Variants in MAP7D1 observed in about 807,000 individuals in gnomAD.
MAP7D1 encodes MAP7 domain-containing protein 1.
A neutral mutation model predicts 97.5 loss-of-function variants in MAP7D1; 30 were observed. The observed-to-expected ratio is 0.31, with a 90% CI of 0.23 to 0.42. The LOEUF is 0.42. MAP7D1 is among the 10% of genes least tolerant of loss of function. MAP7D1 has a pLI of 1.00. For missense variants in MAP7D1, 1,184 were observed against 1,179.5 expected (o/e 1.00, Z -0.06); for synonymous variants, 536 against 477.1 (o/e 1.12, Z -1.61).
Position 36,170,367 on chromosome 1 carries a change from C to G in MAP7D1, c.47-604C>G, listed in dbSNP as rs544805381. 5.3e-5 allele frequency among the ~76,000 whole-genome samples: 8 copies of G among 152,310 alleles called. No individual in the cohort carries two copies. The Middle Eastern group carries it at 0.01, about 194-fold the overall frequency. ...TCACAGCAAAGCATTCCACTAGAGC[C>G]CATACTTACGTCCTTCCTCTTGGTC... On this transcript the variant is annotated intron_variant, in intron 1 of 16. Transcript: ENST00000474796.
chr1:36,172,758 C>A, intron 4 of MAP7D1, 131 bp downstream of exon 4: 1 of 1,042,818 alleles, frequency 9.6e-7, no homozygotes, highest in Non-Finnish European at 1.3e-6. Context: ...GTGTTCACAT[C>A]TACAGTTGTG....
chr1:36,172,660 C>T (rs766769493), intron 4 of MAP7D1, 33 bp downstream of exon 4: 14 of 1,512,446 alleles, frequency 9.3e-6, no homozygotes, highest in Middle Eastern at 1.8e-4. Flanking sequence ...TCCATGTACA[C>T]GTGTGCTCAC....
Position 36,176,464 on chromosome 1 carries a change from G to C in MAP7D1, c.1116G>C (p.Pro372=). The C allele has an allele frequency of 6.7e-7, 1 of 1,489,156 alleles. No homozygotes were observed. The highest frequency in any genetic ancestry group is 1.2e-5 in the South Asian group (1 of 80,852). The allele number at this position is 1,489,156 out of a possible 1,614,324, so 92.2% of individuals were successfully genotyped here. A position where few individuals can be genotyped will look rare whatever the true frequency, so the allele number is the denominator to read the frequency against. The change falls in exon 7 of 17, where the codon CCG becomes CCC. Residue 372 remains proline (P), a synonymous_variant. Transcript: ENST00000474796. This position sits in a 1 kb window ranked among gnomAD's most constrained non-coding sequence, Gnocchi z 6.1. ...PRSASASPLT[P]CSVTRSVHRC... is the part of the protein sequence containing the mutation. ...CGGCCTCCGCCAGCCCCCTGACGCCGTGCAGCGTCACCCGAAGCGTGCACC... is the reference window on the plus strand; with the variant it reads ...CGGCCTCCGCCAGCCCCCTGACGCCCTGCAGCGTCACCCGAAGCGTGCACC...
At chr1:36,174,851 G>A (rs1320502315) in intron 5 of MAP7D1, 47 bp from the exon 6 acceptor site, 3 of 1,197,246 alleles carry the variant, frequency 2.5e-6, no homozygotes, top group Non-Finnish European at 3.7e-6. Context: ...GCCCCCCACT[G>A]GCTCCTGCCG....
chr1:36,179,010 G>T lies in MAP7D1; in HGVS notation c.2115G>T (p.Arg705=). The T allele has an allele frequency of 1.3e-6, 2 of 1,531,090 alleles. No individual in the cohort carries two copies. Among genetic ancestry groups the T allele is most frequent in the Non-Finnish European group, 1.8e-6 (2 of 1,137,750 alleles). 94.8% of individuals were successfully genotyped at this position (1,531,090 alleles called of 1,614,324 possible). A position where few individuals can be genotyped will look rare whatever the true frequency, so the allele number is the denominator to read the frequency against. ...EKHFQQQEQE[R]QERRKRLEEI... ...ACTTCCAGCAGCAGGAGCAAGAGCG[G>T]CAAGAGCGCAGAAAGGTGTGCGGAC... The change falls in exon 12 of 17, where the codon CGG becomes CGT. Residue 705 remains arginine (R), a synonymous_variant. Coordinates refer to ENST00000474796, the MANE Select transcript of MAP7D1 (RefSeq NM_001388490.1).
chr1:36,165,593 T>A (rs1026983719), intron 1 of MAP7D1, among the ~76,000 whole-genome samples: 8 of 151,916 alleles, frequency 5.3e-5, no homozygotes, highest in African/African-American at 1.2e-4. Flanking sequence ...TTTAAAAAAA[T>A]TTTTTTAGAG....
rs272829 is a variant in MAP7D1 at position 36,159,501 on chromosome 1, G to A, written c.46+3038G>A. Among the ~76,000 whole-genome samples the A allele has an allele frequency of 3.3e-5, 5 of 152,084 alleles. No individual in the cohort carries two copies. The highest frequency in any genetic ancestry group is 5.9e-5 in the Non-Finnish European group (4 of 68,014). On this transcript the variant is annotated intron_variant, in intron 1 of 16. Transcript: ENST00000474796. The surrounding 1 kb of genome is among the most constrained non-coding windows in gnomAD (Gnocchi z 5.4). Reference sequence around the variant, plus strand: ...ATGAGCTAGGGTGTATCCAGGGAACGGAGGGGCCCCATACCTGAAGTGGAA... The same window carrying A: ...ATGAGCTAGGGTGTATCCAGGGAACAGAGGGGCCCCATACCTGAAGTGGAA...
In MAP7D1 at chr1:36,159,547, A is replaced by G. The variant is rs967988265; in HGVS notation, c.46+3084A>G. ...TGGAACAGTGGGAACAGGAGAGAAG[A>G]CCCAAGAAACAGGTGCAACCGGCTA... is the stretch of plus-strand genomic sequence containing the variant. On this transcript the variant is annotated intron_variant, in intron 1 of 16. Coordinates refer to ENST00000474796, the MANE Select transcript of MAP7D1 (RefSeq NM_001388490.1). The surrounding 1 kb of genome is among the most constrained non-coding windows in gnomAD (Gnocchi z 5.4). Among the ~76,000 whole-genome samples the G allele has an allele frequency of 6.6e-6, 1 of 152,124 alleles. No homozygotes were observed. The highest frequency in any genetic ancestry group is 2.4e-5 in the African/African-American group (1 of 41,400).
chr1:36,171,419 A>G (rs988499201), intron 2 of MAP7D1, 94 bp from the exon 3 acceptor site: 5 of 1,558,706 alleles, frequency 3.2e-6, no homozygotes, highest in Non-Finnish European at 3.5e-6. Flanking sequence ...GGAGATAAAG[A>G]AAGGATGGGG....
In MAP7D1 at chr1:36,176,895, C is replaced by G; in HGVS notation, c.1379+53C>G. 1 of 1,451,238 alleles carries G rather than the reference C, an allele frequency of 6.9e-7. No homozygotes were observed. The highest frequency in any genetic ancestry group is 2.1e-5 in the Admixed American group (1 of 47,346). 89.9% of individuals were successfully genotyped at this position (1,451,238 alleles called of 1,614,324 possible). On this transcript the variant is annotated intron_variant, in intron 8 of 16. Transcript: ENST00000474796. The surrounding 1 kb of genome is among the most constrained non-coding windows in gnomAD (Gnocchi z 6.1). ...GCCCCTCACCGGGTCATTTATTCAT[C>G]ACCCACAAATATTTGTTGGGCAACC... is the stretch of plus-strand genomic sequence containing the variant.
At position 36,178,676 on chromosome 1, in the gene MAP7D1, G is replaced by C. The variant is rs1644667161; in HGVS notation, c.1887-9G>C. On this transcript the variant is annotated splice_polypyrimidine_tract_variant and intron_variant, in intron 10 of 16. Transcript: ENST00000474796. ...AGGCCGAGCCTGAGCCGTTTGCTCCGTCCCCCAGGCGAATGCGAGAGGAGC... is the reference window on the plus strand; with the variant it reads ...AGGCCGAGCCTGAGCCGTTTGCTCCCTCCCCCAGGCGAATGCGAGAGGAGC... 1 of 1,529,268 alleles carries C rather than the reference G, an allele frequency of 6.5e-7. No individual in the cohort carries two copies. The highest frequency in any genetic ancestry group is 1.4e-5 in the African/African-American group (1 of 72,472). 94.7% of individuals were successfully genotyped at this position (1,529,268 alleles called of 1,614,324 possible).
chr1:36,158,161 C>T (rs115045535), intron 1 of MAP7D1, among the ~76,000 whole-genome samples: 2,832 of 147,456 alleles, frequency 0.019, 95 homozygotes, highest in African/African-American at 0.066. Flanking sequence ...GTTCGGTGGG[C>T]GGGGAGGGCT....
Position 36,171,594 on chromosome 1 carries a change from G to A in MAP7D1, c.460+13G>A, listed in dbSNP as rs1466931166. On this transcript the variant is annotated intron_variant, in intron 3 of 16. Transcript: ENST00000474796. ...GCCAAGTACCTGGGTGAGTGAGCAG[G>A]AAGCCTCATCATCTTCTTCATCGTC... 1.2e-6 allele frequency: 2 copies of A among 1,613,926 alleles called. No homozygotes were observed. The highest frequency in any genetic ancestry group is 2.2e-5 in the South Asian group (2 of 91,062).
At chr1:36,162,157 C>T (rs1443704461) in intron 1 of MAP7D1, among the ~76,000 whole-genome samples, 1 of 152,130 alleles carries the variant, frequency 6.6e-6, no homozygotes, top group Non-Finnish European at 1.5e-5. Flanking sequence ...TCCCATGCTT[C>T]CTGCCTGAGG....
rs544577802 is a variant in MAP7D1, at chr1:36,173,623, T to G, written c.739+145T>G. Reference sequence around the variant, plus strand: ...GTGACTTGTGTCTTCTAGAATGGTCTGTAAGCCAAACTGTCCCTTCCCAAG... The same window carrying G: ...GTGACTTGTGTCTTCTAGAATGGTCGGTAAGCCAAACTGTCCCTTCCCAAG... On this transcript the variant is annotated intron_variant, in intron 5 of 16. Coordinates refer to ENST00000474796, the MANE Select transcript of MAP7D1 (RefSeq NM_001388490.1). 62 of 580,920 alleles carry G rather than the reference T, an allele frequency of 1.1e-4. 1 individual carries two copies. The South Asian group carries it at 1.4e-3, about 13-fold the overall frequency. The allele number at this position is 580,920 out of a possible 1,614,324, so 36.0% of individuals were successfully genotyped here. A position where few individuals can be genotyped will look rare whatever the true frequency, so the allele number is the denominator to read the frequency against.
In MAP7D1 at chr1:36,159,958, T is replaced by G. The variant is rs1421931626; in HGVS notation, c.46+3495T>G. ...AGCCCCTAATGTGCAGTCACGCATA[T>G]GCAAATGAGGTGGAAGGGATACTAG... On this transcript the variant is annotated intron_variant, in intron 1 of 16. Transcript: ENST00000474796. The surrounding 1 kb of genome is among the most constrained non-coding windows in gnomAD (Gnocchi z 5.4). Among the ~76,000 whole-genome samples, 1 of 152,154 alleles carries G rather than the reference T, an allele frequency of 6.6e-6. No individual in the cohort carries two copies. The highest frequency in any genetic ancestry group is 2.4e-5 in the African/African-American group (1 of 41,438).
intron 1 of MAP7D1, among the ~76,000 whole-genome samples, chr1:36,164,385 C>G (rs1013105868): frequency 2.0e-5 from 3 of 152,116 alleles, no homozygotes; most frequent in Non-Finnish European, 4.4e-5. Flanking sequence ...ATAACAGTGA[C>G]AGTGTTCCAA....
At chr1:36,177,573 A>T in intron 8 of MAP7D1, 1 of 666,558 alleles carries the variant, frequency 1.5e-6, no homozygotes, top group Non-Finnish European at 2.8e-6. Context: ...TGGACCTGTC[A>T]GGTAGCACTC....
intron 6 of MAP7D1, among the ~76,000 whole-genome samples, chr1:36,175,425 C>T (rs1644604777): frequency 6.6e-6 from 1 of 152,230 alleles, no homozygotes. Context: ...GTCCCTCATT[C>T]TGGCTCCACC....
Sources: allele counts gnomAD v4.1 joint callset (sites outside exome capture counted in the v4.1 genomes callset), GRCh38; gene constraint gnomAD v4.1.1; non-coding constraint Gnocchi (gnomAD v3.1); transcripts MANE v1.5; gene names NCBI Gene and HGNC (gene_info 2026-07-23, HGNC 2026-07-21).